The following TMEM132D variants were observed in gnomAD, a reference collection of about 807,000 sequenced individuals.
TMEM132D encodes mature OL transmembrane protein.
Under a neutral mutation model 62.3 loss-of-function variants are expected in TMEM132D, and 21 were observed. The observed-to-expected ratio is 0.34, with a 90% CI of 0.24 to 0.49. TMEM132D has a LOEUF of 0.49. Ranked by LOEUF, TMEM132D falls within the 20% of genes least tolerant of loss-of-function variation. The probability of loss-of-function intolerance (pLI) is 0.99; values close to 1 mark genes in which losing one functional copy is unlikely to be tolerated. For synonymous variants in TMEM132D, 621 were observed against 575.6 expected (o/e 1.08, Z -1.13); for missense variants, 1,346 against 1,402.8 (o/e 0.96, Z 0.65).
intron 1 of TMEM132D, among the ~76,000 whole-genome samples, chr12:129,763,786 A>G (rs533985566): frequency 2.6e-5 from 4 of 152,208 alleles, no homozygotes; most frequent in African/African-American, 9.6e-5. Context: ...GTGTGCCCAG[A>G]TGAAGCAAGT....
At chr12:129,380,589 CTATT>C (rs972127365) in intron 3 of TMEM132D, among the ~76,000 whole-genome samples, 19 of 152,038 alleles carry the variant, frequency 1.2e-4, no homozygotes, top group African/African-American at 4.1e-4. Flanking sequence ...GTGTGCATCT[CTATT>C]TAGTTCTATA....
At chr12:129,747,843 C>A (rs895649595) in intron 1 of TMEM132D, among the ~76,000 whole-genome samples, 2 of 83,536 alleles carry the variant, frequency 2.4e-5, no homozygotes, top group Admixed American at 2.4e-4. Context: ...CACATTCAGA[C>A]ACACACAGAC....
intron 1 of TMEM132D, among the ~76,000 whole-genome samples, chr12:129,869,278 G>A (rs1874167981): frequency 6.6e-6 from 1 of 152,116 alleles, no homozygotes; most frequent in African/African-American, 2.4e-5. Flanking sequence ...GTGAAAACGA[G>A]CAACAAGTTG....
chr12:129,406,359 G>A (rs1162694485), intron 3 of TMEM132D, among the ~76,000 whole-genome samples: 2 of 152,166 alleles, frequency 1.3e-5, no homozygotes, highest in Non-Finnish European at 2.9e-5. Context: ...GGTGGCTTAC[G>A]CCTGTAATCC....
intron 4 of TMEM132D, among the ~76,000 whole-genome samples, chr12:129,334,983 G>A (rs1352979910): frequency 3.3e-5 from 5 of 152,100 alleles, no homozygotes; most frequent in Non-Finnish European, 7.4e-5. Flanking sequence ...TAAAATATGG[G>A]AGCTGTGGAT....
At chr12:129,392,897 G>A (rs761327559) in intron 3 of TMEM132D, among the ~76,000 whole-genome samples, 2 of 152,160 alleles carry the variant, frequency 1.3e-5, no homozygotes, top group Non-Finnish European at 2.9e-5. Context: ...AAGACCCATC[G>A]AGGATGCATG....
chr12:129,471,484 G>C (rs1001709845), intron 3 of TMEM132D, among the ~76,000 whole-genome samples: 4 of 152,106 alleles, frequency 2.6e-5, no homozygotes, highest in African/African-American at 9.7e-5. Flanking sequence ...CCACCAACCA[G>C]CTGTTCCTCC....
chr12:129,639,047 G>A (rs1467048887), intron 2 of TMEM132D, among the ~76,000 whole-genome samples: 2 of 152,064 alleles, frequency 1.3e-5, no homozygotes, highest in African/African-American at 4.8e-5. Context: ...ACAGGACCTG[G>A]CAGTTTCTAA....
intron 2 of TMEM132D, among the ~76,000 whole-genome samples, chr12:129,685,206 A>G (rs1261080781): frequency 6.6e-6 from 1 of 152,192 alleles, no homozygotes; most frequent in Non-Finnish European, 1.5e-5. Context: ...ATGGGAAAAA[A>G]TGTCTCCATG....
intron 2 of TMEM132D, among the ~76,000 whole-genome samples, chr12:129,647,858 A>G (rs775846975): frequency 1.3e-5 from 2 of 152,182 alleles, no homozygotes; most frequent in African/African-American, 2.4e-5. Context: ...TATAACAGTG[A>G]GAAAATTATG....
At chr12:129,386,572 ACCAACG>A (rs1352290013) in intron 3 of TMEM132D, among the ~76,000 whole-genome samples, 5 of 151,940 alleles carry the variant, frequency 3.3e-5, no homozygotes, top group Non-Finnish European at 7.4e-5. Flanking sequence ...TAACACTAAC[ACCAACG>A]CCAATGCCAA....
At chr12:129,447,457 G>A (rs762595822) in intron 3 of TMEM132D, among the ~76,000 whole-genome samples, 1 of 152,172 alleles carries the variant, frequency 6.6e-6, no homozygotes, top group Non-Finnish European at 1.5e-5. Context: ...ATAAAGTGAT[G>A]TTATTAATCC....
At chr12:129,091,720 A>G (rs1365228673) in intron 5 of TMEM132D, among the ~76,000 whole-genome samples, 1 of 152,132 alleles carries the variant, frequency 6.6e-6, no homozygotes, top group African/African-American at 2.4e-5. Flanking sequence ...GGCTCTTGGG[A>G]CCCAGGTTCC....
intron 4 of TMEM132D, among the ~76,000 whole-genome samples, chr12:129,307,305 G>C (rs970246691): frequency 6.6e-6 from 1 of 152,118 alleles, no homozygotes; most frequent in African/African-American, 2.4e-5. Flanking sequence ...CCAACGGAAA[G>C]TGGGAAATCA....
chr12:129,781,864 T>C (rs952095219), intron 1 of TMEM132D, among the ~76,000 whole-genome samples: 1 of 152,156 alleles, frequency 6.6e-6, no homozygotes, highest in African/African-American at 2.4e-5. Context: ...CAAGAAAATA[T>C]GAGAAAAGAT....
chr12:129,166,689 A>ACC (rs1491095188), intron 5 of TMEM132D, among the ~76,000 whole-genome samples: 5,168 of 108,740 alleles, frequency 0.048, 188 homozygotes, highest in East Asian at 0.15. Flanking sequence ...ATATACACAT[A>ACC]CACACACACA....
At chr12:129,382,783 A>G (rs1157190167) in intron 3 of TMEM132D, among the ~76,000 whole-genome samples, 1 of 152,118 alleles carries the variant, frequency 6.6e-6, no homozygotes, top group African/African-American at 2.4e-5. Context: ...TTAGACCCCA[A>G]TCTATTGCAC....
chr12:129,578,141 G>A (rs183727213), intron 2 of TMEM132D, among the ~76,000 whole-genome samples: 8 of 152,134 alleles, frequency 5.3e-5, no homozygotes, highest in Middle Eastern at 3.4e-3. Flanking sequence ...AACTTGGACC[G>A]GTGCATCCTC....
At chr12:129,671,613 T>G (rs1418576732) in intron 2 of TMEM132D, among the ~76,000 whole-genome samples, 1 of 151,986 alleles carries the variant, frequency 6.6e-6, no homozygotes, top group Non-Finnish European at 1.5e-5. Flanking sequence ...GCTGAAGCGT[T>G]TTTGAAACTT....
Sources: gnomAD v4.1 joint callset for allele counts (sites outside exome capture counted in the v4.1 genomes callset) on GRCh38, gnomAD v4.1.1 for gene constraint, MANE v1.5 for transcripts, NCBI Gene and HGNC (gene_info 2026-07-23, HGNC 2026-07-21) for gene names.